The following ASIC2 variants were observed in gnomAD, a reference collection of about 807,000 sequenced individuals.
ASIC2 encodes acid-sensing ion channel 2.
A neutral mutation model predicts 57.3 loss-of-function variants in ASIC2; 25 were observed. The observed-to-expected ratio is 0.44, with a 90% confidence interval of 0.32 to 0.61. The LOEUF (loss-of-function observed/expected upper bound fraction) is 0.61, where lower values mean the gene tolerates loss of function less well. ASIC2 is among the 20% of genes least tolerant of loss of function. The probability of loss-of-function intolerance (pLI) is 0.06; values close to 1 mark genes in which losing one functional copy is unlikely to be tolerated. For synonymous variants in ASIC2, 319 were observed against 307.5 expected, an observed-to-expected ratio of 1.04 and a Z score of -0.39; for missense variants, 641 against 738.1, an observed-to-expected ratio of 0.87 and a Z score of 1.52.
At chr17:33,155,640 A>G (rs1361429671) in intron 1 of ASIC2, among the ~76,000 whole-genome samples, 2 of 148,542 alleles carry the variant, frequency 1.3e-5, no homozygotes, top group African/African-American at 5.0e-5. Flanking sequence ...GATCACTGCA[A>G]CCTCAGCCTC....
At chr17:33,115,225 A>G (rs1281537828) in intron 1 of ASIC2, among the ~76,000 whole-genome samples, 1 of 152,192 alleles carries the variant, frequency 6.6e-6, no homozygotes, top group Admixed American at 6.5e-5. Context: ...GTGAGCTGAC[A>G]TAGCTTAGAG....
chr17:33,302,885 A>T (rs1906016163), intron 1 of ASIC2, among the ~76,000 whole-genome samples: 1 of 152,200 alleles, frequency 6.6e-6, no homozygotes, highest in Non-Finnish European at 1.5e-5. Context: ...TGTCAGTTGA[A>T]TAATATTATC....
At chr17:33,785,458 G>C (rs982178194) in intron 1 of ASIC2, among the ~76,000 whole-genome samples, 1 of 152,152 alleles carries the variant, frequency 6.6e-6, no homozygotes, top group Admixed American at 6.5e-5. Flanking sequence ...CTGAGGCTTA[G>C]AGAGGTTACA....
At chr17:33,857,072 T>C (rs1000879383) in intron 1 of ASIC2, among the ~76,000 whole-genome samples, 1 of 152,054 alleles carries the variant, frequency 6.6e-6, no homozygotes, top group Admixed American at 6.6e-5. Context: ...AGGGTGTGCA[T>C]TGCTCTCTGC....
Position 34,156,603 on chromosome 17 carries a change from G to T in ASIC2, c.-71C>A. 3 of 1,471,688 alleles carry T rather than the reference G, an allele frequency of 2.0e-6. No homozygotes were observed. Among genetic ancestry groups the T allele is most frequent in the Admixed American group, 4.5e-5 (2 of 44,726 alleles). 91.2% of individuals were successfully genotyped at this position (1,471,688 alleles called of 1,614,324 possible). On this transcript the variant is annotated 5_prime_UTR_variant, in exon 1 of 10. Coordinates refer to the ASIC2 transcript ENST00000359872. This position sits in a 1 kb window ranked among gnomAD's most constrained non-coding sequence, Gnocchi z 4.4. ...TCAGAGAAGAGCTCCCAGTCCTCGGGCTCTGCTTAAACCTTGACGTTCAGG... is the reference window on the plus strand; with the variant it reads ...TCAGAGAAGAGCTCCCAGTCCTCGGTCTCTGCTTAAACCTTGACGTTCAGG...
At chr17:33,126,960 C>T (rs368995331) in intron 1 of ASIC2, among the ~76,000 whole-genome samples, 180 of 141,704 alleles carry the variant, frequency 1.3e-3, no homozygotes, top group Admixed American at 2.3e-3. Context: ...CTCTGCTTCC[C>T]GGGTTCACGC....
intron 3 of ASIC2, among the ~76,000 whole-genome samples, chr17:33,031,338 G>A (rs531795513): frequency 6.6e-6 from 1 of 152,150 alleles, no homozygotes; most frequent in African/African-American, 2.4e-5. Context: ...ATTTTTTAAT[G>A]TCTGTAGGAT....
chr17:33,230,320 C>T (rs963427540), intron 1 of ASIC2, among the ~76,000 whole-genome samples: 1 of 152,238 alleles, frequency 6.6e-6, no homozygotes, highest in South Asian at 2.1e-4. Context: ...AGAAGTTGCT[C>T]TGGTGAGACT....
At chr17:33,416,606 G>C (rs1464138043) in intron 1 of ASIC2, among the ~76,000 whole-genome samples, 3 of 152,250 alleles carry the variant, frequency 2.0e-5, no homozygotes, top group East Asian at 3.8e-4. Context: ...CACAGTGGCA[G>C]CTGAGGGAGG....
chr17:33,758,230 T>C (rs1910674068), intron 1 of ASIC2, among the ~76,000 whole-genome samples: 1 of 152,178 alleles, frequency 6.6e-6, no homozygotes, highest in African/African-American at 2.4e-5. Context: ...CTGGGAAGTG[T>C]GATACCAATT....
chr17:33,290,998 T>C (rs1006418642), intron 1 of ASIC2: 6 of 184,640 alleles, frequency 3.2e-5, no homozygotes, highest in African/African-American at 4.8e-5. Context: ...CGTCTATTGG[T>C]TTTCCCAAAG....
chr17:33,533,257 A>G (rs1341117172), intron 1 of ASIC2, among the ~76,000 whole-genome samples: 1 of 152,170 alleles, frequency 6.6e-6, no homozygotes, highest in Non-Finnish European at 1.5e-5. Context: ...GAGGCAGGAG[A>G]ATCGCTTGAA....
chr17:33,937,826 T>A (rs944047747), intron 1 of ASIC2, among the ~76,000 whole-genome samples: 3 of 151,922 alleles, frequency 2.0e-5, no homozygotes, highest in African/African-American at 7.2e-5. Flanking sequence ...TTTTAGAAAA[T>A]TTTTTTTTCT....
intron 1 of ASIC2, among the ~76,000 whole-genome samples, chr17:33,431,776 T>G (rs12939907): frequency 0.015 from 2,216 of 152,156 alleles, 73 homozygotes; most frequent in African/African-American, 0.051. Flanking sequence ...ATCATAAAAA[T>G]ATTGAGGGCA....
chr17:33,464,546 C>CTT (rs1912783920), intron 1 of ASIC2, among the ~76,000 whole-genome samples: 1 of 89,952 alleles, frequency 1.1e-5, no homozygotes. Context: ...CTTTCTCTTT[C>CTT]TTTCTTTCTT....
chr17:34,081,261 T>C (rs1909870692), intron 1 of ASIC2, among the ~76,000 whole-genome samples: 2 of 152,082 alleles, frequency 1.3e-5, no homozygotes, highest in South Asian at 4.1e-4. Flanking sequence ...CACAATAAAG[T>C]TTGAGAACCA....
chr17:33,414,325 G>A (rs1910764165), intron 1 of ASIC2, among the ~76,000 whole-genome samples: 1 of 152,162 alleles, frequency 6.6e-6, no homozygotes, highest in Non-Finnish European at 1.5e-5. Context: ...GTAGAAAAGA[G>A]AGGATGCAGC....
chr17:33,223,652 T>C (rs1343567340), intron 1 of ASIC2, among the ~76,000 whole-genome samples: 1 of 152,252 alleles, frequency 6.6e-6, no homozygotes, highest in Non-Finnish European at 1.5e-5. Context: ...AAATATTTCC[T>C]TATATAATAT....
upstream of ASIC2, among the ~76,000 whole-genome samples, chr17:33,296,706 C>G (rs1476789412): frequency 2.6e-5 from 4 of 152,212 alleles, no homozygotes; most frequent in Non-Finnish European, 4.4e-5. Context: ...GCTGTTTTCT[C>G]TCATTAAATG....
Sources: allele counts gnomAD v4.1 joint callset (sites outside exome capture counted in the v4.1 genomes callset), GRCh38; gene constraint gnomAD v4.1.1; non-coding constraint Gnocchi (gnomAD v3.1); transcripts MANE v1.5; gene names NCBI Gene and HGNC (gene_info 2026-07-23, HGNC 2026-07-21).